Variants in CEP120 observed in about 807,000 individuals in gnomAD.
The protein encoded by CEP120 is centrosomal protein of 120 kDa.
Under a neutral mutation model 126.5 loss-of-function variants are expected in CEP120, and 113 were observed. The ratio of observed to expected loss-of-function variants is 0.89; its 90% CI spans 0.77 to 1.04. The LOEUF (loss-of-function observed/expected upper bound fraction) is 1.04, where lower values mean the gene tolerates loss of function less well. Ranked by LOEUF, CEP120 falls within the 50% of genes least tolerant of loss-of-function variation. The pLI is 0.00. For missense variants in CEP120, 1,230 were observed against 1,155.7 expected (o/e 1.06, Z -0.93); for synonymous variants, 400 against 394.3 (o/e 1.01, Z -0.17).
chr5:123,384,541 T>C (rs149193490), intron 11 of CEP120, among the ~76,000 whole-genome samples: 195 of 152,220 alleles, frequency 1.3e-3, no homozygotes, highest in African/African-American at 4.5e-3. Flanking sequence ...TGATTTGGGG[T>C]AGGAGTAAAA....
Position 123,388,443 on chromosome 5 carries a change from G to T in CEP120, c.1419C>A (p.Asn473Lys). 2 of 1,548,350 alleles carry T rather than the reference G, an allele frequency of 1.3e-6. No individual in the cohort carries two copies. Among genetic ancestry groups the T allele is most frequent in the Non-Finnish European group, 8.7e-7 (1 of 1,150,058 alleles). Residue 473 changes from asparagine (N) to lysine (K), a missense_variant, in exon 9 of 20, where the codon AAC (asparagine) becomes AAA (lysine). By Grantham distance (94) the Asn-to-Lys change is moderately conservative (BLOSUM62 0). Coordinates refer to ENST00000306467, the MANE Select transcript of CEP120 (RefSeq NM_001375405.1). ...IHALEIGFPI[N>K]CILRYSYPFF... ...AAATCAAATCACACCTTAATATACA[G>T]TTGATTGGAAAACCAATCTCCAAGG...
chr5:123,419,839 A>C (rs1046250303), intron 1 of CEP120, among the ~76,000 whole-genome samples: 1 of 152,216 alleles, frequency 6.6e-6, no homozygotes, highest in Non-Finnish European at 1.5e-5. Context: ...ACCAAAAAAA[A>C]CTGAAAATAG....
chr5:123,389,291 CAACTGTTTTCTCCA>C (rs544593990), intron 8 of CEP120, among the ~76,000 whole-genome samples: 2,374 of 152,268 alleles, frequency 0.016, 30 homozygotes, highest in Non-Finnish European at 0.022. Flanking sequence ...AGGCAGTTAA[CAACTGTTTTCTCCA>C]AACTTCAAGA....
intron 5 of CEP120, 40 bp from the exon 6 acceptor site, chr5:123,393,537 A>G (rs1306390394): frequency 1.5e-5 from 22 of 1,504,822 alleles, no homozygotes; most frequent in East Asian, 2.3e-5. Flanking sequence ...ATTACTTTCT[A>G]AACTACTGAA....
chr5:123,364,668 A>G, intron 17 of CEP120, 74 bp from the exon 18 acceptor site: 1 of 793,216 alleles, frequency 1.3e-6, no homozygotes, highest in Non-Finnish European at 2.0e-6. Flanking sequence ...AATATATACA[A>G]AGAGTCTGGC....
chr5:123,395,801 C>A (rs1214066764), intron 5 of CEP120, among the ~76,000 whole-genome samples: 1 of 151,586 alleles, frequency 6.6e-6, no homozygotes, highest in Admixed American at 6.6e-5. Flanking sequence ...CCTGCCTCAG[C>A]CTCCCAAGTA....
intron 6 of CEP120, among the ~76,000 whole-genome samples, chr5:123,392,533 CAG>C (rs910967878): frequency 1.1e-4 from 17 of 152,178 alleles, no homozygotes; most frequent in African/African-American, 3.9e-4. Context: ...TTTTTTGAGA[CAG>C]AGTCTTGCTC....
chr5:123,413,753 TCAA>T (rs1774215417), intron 3 of CEP120, among the ~76,000 whole-genome samples: 1 of 152,220 alleles, frequency 6.6e-6, no homozygotes, highest in Non-Finnish European at 1.5e-5. Flanking sequence ...TAAATAAAAA[TCAA>T]CAACCTAATT....
In CEP120 at chr5:123,408,652, C is replaced by A. The variant is rs544311856; in HGVS notation, c.463+3747G>T. Among the ~76,000 whole-genome samples the A allele has an allele frequency of 3.9e-5, 6 of 152,142 alleles. No homozygotes were observed. The South Asian group carries it at 1.2e-3, about 32-fold the overall frequency. ...AATAACCTTCCCAAACAGAAAGTACCAGGTCTAGAGATCACTGGTGAATTC... is the reference window on the plus strand; with the variant it reads ...AATAACCTTCCCAAACAGAAAGTACAAGGTCTAGAGATCACTGGTGAATTC... On this transcript the variant is annotated intron_variant, in intron 4 of 19. Coordinates refer to ENST00000306467, the MANE Select transcript of CEP120 (RefSeq NM_001375405.1).
intron 4 of CEP120, among the ~76,000 whole-genome samples, chr5:123,409,406 C>T (rs1431264470): frequency 6.6e-6 from 1 of 151,550 alleles, no homozygotes; most frequent in East Asian, 1.9e-4. Flanking sequence ...CAACATCATA[C>T]TTAGAGCCTT....
At chr5:123,399,425 C>T (rs1327156047) in intron 4 of CEP120, 141 bp from the exon 5 acceptor site, 3 of 710,754 alleles carry the variant, frequency 4.2e-6, no homozygotes, top group Non-Finnish European at 6.7e-6. Flanking sequence ...CCTTTACTCT[C>T]TTACATACTC....
intron 9 of CEP120, 73 bp from the exon 10 acceptor site, chr5:123,386,740 T>A: frequency 5.0e-6 from 6 of 1,190,068 alleles, no homozygotes; most frequent in Admixed American, 3.4e-5. Flanking sequence ...AGTCTGTTTT[T>A]TAGAAAAAAG....
At chr5:123,404,559 G>A (rs1042795474) in intron 4 of CEP120, among the ~76,000 whole-genome samples, 1 of 152,034 alleles carries the variant, frequency 6.6e-6, no homozygotes, top group Non-Finnish European at 1.5e-5. Context: ...GGAAGAGAAC[G>A]AAAAGGCCAA....
rs758625645 is a variant in CEP120 at position 123,383,014 on chromosome 5, C to A, written c.1832G>T (p.Arg611Leu). 8 of 1,593,324 alleles carry A rather than the reference C, an allele frequency of 5.0e-6. No individual in the cohort carries two copies. The South Asian group carries it at 5.6e-5, about 11-fold the overall frequency. ...TLEDYGLVKMREIFISDSSQG... is the reference protein window; with the variant it reads ...TLEDYGLVKMLEIFISDSSQG... Reference sequence around the variant, plus strand: ...AGATGAATCAGAGATAAAAATCTCACGCATTTTTACTAGTCCATAATCTTC... The same window carrying A: ...AGATGAATCAGAGATAAAAATCTCAAGCATTTTTACTAGTCCATAATCTTC... The change falls in exon 12 of 20, where the codon CGT (arginine) becomes CTT (leucine). Residue 611 changes from arginine to leucine, a missense_variant. By Grantham distance (102) the Arg-to-Leu change is moderately radical (BLOSUM62 -2). Coordinates refer to ENST00000306467, the MANE Select transcript of CEP120 (RefSeq NM_001375405.1).
chr5:123,383,064 T>C lies in CEP120; in HGVS notation c.1782A>G (p.Ala594=). Residue 594 remains alanine (A), a synonymous_variant, in exon 12 of 20, where the codon GCA becomes GCG. Transcript: ENST00000306467. ...IAAQGSNNRI[A]DLSYTVTLED... ...CTAGAGTCACTGTGTAAGAAAGATC[T>C]GCTATCCTGTTATTTGATCTACAAA... The C allele has an allele frequency of 6.6e-7, 1 of 1,522,232 alleles. No homozygotes were observed. The highest frequency in any genetic ancestry group is 9.1e-7 in the Non-Finnish European group (1 of 1,104,622). 94.3% of individuals were successfully genotyped at this position (1,522,232 alleles called of 1,614,324 possible).
In CEP120 at chr5:123,372,780, A is replaced by T. The variant is rs570367630; in HGVS notation, c.2359-8T>A. 9.2e-5 allele frequency: 145 copies of T among 1,584,302 alleles called. 1 individual carries two copies. In the East Asian group the frequency reaches 3.2e-3, roughly 35 times the overall value. On this transcript the variant is annotated splice_polypyrimidine_tract_variant and splice_region_variant and intron_variant, in intron 16 of 19. Transcript: ENST00000306467. Reference sequence around the variant, plus strand: ...ATTTTCAGCATCATTAAGCTGTATTAAAAAAAGTTTAGCCATTTCAAAACA... The same window carrying T: ...ATTTTCAGCATCATTAAGCTGTATTTAAAAAAGTTTAGCCATTTCAAAACA...
chr5:123,373,741 T>C (rs753105193), intron 16 of CEP120, among the ~76,000 whole-genome samples: 1 of 152,052 alleles, frequency 6.6e-6, no homozygotes, highest in Non-Finnish European at 1.5e-5. Flanking sequence ...CTGAGCCACA[T>C]GGAAGATCCT....
chr5:123,402,815 T>A (rs930363471), intron 4 of CEP120, among the ~76,000 whole-genome samples: 1 of 152,218 alleles, frequency 6.6e-6, no homozygotes, highest in Admixed American at 6.5e-5. Flanking sequence ...GCCAATGTGA[T>A]GGTATTAGGA....
In CEP120 at chr5:123,385,150, C is replaced by T. The variant is rs1284563343; in HGVS notation, c.1581-17G>A. ...AATGGAATCCTAAGGAAGAGAGAAA[C>T]ATGTGTTCATACCTATCAACTCTGA... On this transcript the variant is annotated splice_polypyrimidine_tract_variant and intron_variant, in intron 10 of 19. Transcript: ENST00000306467. The T allele has an allele frequency of 1.3e-6, 2 of 1,597,710 alleles. No individual in the cohort carries two copies. The highest frequency in any genetic ancestry group is 1.7e-5 in the Admixed American group (1 of 58,524).
Sources: gnomAD v4.1 joint callset for allele counts (sites outside exome capture counted in the v4.1 genomes callset) on GRCh38, gnomAD v4.1.1 for gene constraint, MANE v1.5 for transcripts, NCBI Gene and HGNC (gene_info 2026-07-23, HGNC 2026-07-21) for gene names.